The following ARHGEF18 variants were observed in gnomAD, a reference collection of about 807,000 sequenced individuals.
The protein encoded by ARHGEF18 is Rho/Rac guanine nucleotide exchange factor 18.
In ARHGEF18, 93 loss-of-function variants were observed where a neutral mutation model predicts 155.7. The observed-to-expected ratio is 0.60, with a 90% CI of 0.50 to 0.71. The LOEUF (loss-of-function observed/expected upper bound fraction) is 0.71. Ranked by LOEUF, ARHGEF18 falls within the 30% of genes least tolerant of loss-of-function variation. The probability of loss-of-function intolerance (pLI) is 0.00; values close to 1 mark genes in which losing one functional copy is unlikely to be tolerated. For missense variants in ARHGEF18, 1,593 were observed against 1,816.1 expected (o/e 0.88, Z 2.23); for synonymous variants, 742 against 753.1 (o/e 0.99, Z 0.24).
chr19:7,477,079 C>T, downstream of ARHGEF18: 4 of 928,784 alleles, frequency 4.3e-6, no homozygotes, highest in Middle Eastern at 1.1e-3. Flanking sequence ...CTCCACCCAC[C>T]CTGCCCATGG....
chr19:7,371,734 T>C (rs912000657), intron 2 of ARHGEF18, among the ~76,000 whole-genome samples: 3 of 151,332 alleles, frequency 2.0e-5, no homozygotes, highest in Admixed American at 2.0e-4. Context: ...GGCAGAAGAA[T>C]CACTTGAACC....
chr19:7,360,590 T>C (rs1406488985), intron 1 of ARHGEF18, among the ~76,000 whole-genome samples: 1 of 152,236 alleles, frequency 6.6e-6, no homozygotes, highest in East Asian at 1.9e-4. Context: ...GGTTCACAGA[T>C]ACAGGGCATG....
At chr19:7,362,039 AG>A (rs1568264549) in intron 1 of ARHGEF18, among the ~76,000 whole-genome samples, 20 of 42,998 alleles carry the variant, frequency 4.7e-4, no homozygotes, top group Non-Finnish European at 6.9e-4. Flanking sequence ...GAGAAGGAGA[AG>A]GAGAAGGAGA....
chr19:7,364,071 TAATGGATGGATG>T (rs1396667763), intron 2 of ARHGEF18, among the ~76,000 whole-genome samples: 1 of 143,838 alleles, frequency 7.0e-6, no homozygotes, highest in East Asian at 2.2e-4. Context: ...GATGGATGGG[TAATGGATGGATG>T]AATGGATGGA....
chr19:7,438,833 G>A (rs1392307806), intron 10 of ARHGEF18, among the ~76,000 whole-genome samples: 2 of 152,056 alleles, frequency 1.3e-5, no homozygotes, highest in African/African-American at 4.8e-5. Flanking sequence ...TCAAATAGGA[G>A]GGGAAAACTG....
chr19:7,374,786 C>A (rs1464921352), intron 3 of ARHGEF18, among the ~76,000 whole-genome samples: 1 of 152,146 alleles, frequency 6.6e-6, no homozygotes, highest in East Asian at 1.9e-4. Context: ...ACCCATCAGA[C>A]CCACGCATAT....
chr19:7,467,050 A>G, intron 24 of ARHGEF18, 21 bp from the exon 25 acceptor site: 10 of 1,610,214 alleles, frequency 6.2e-6, no homozygotes, highest in South Asian at 1.1e-5. Context: ...ACTAGCATCA[A>G]TCTCCCTCTC....
In ARHGEF18 at chr19:7,362,862, A is replaced by G; in HGVS notation, c.-29A>G. ...ACCAAGAGCAGCAGTGGATCCTGGA[A>G]ACCTGAGAACCCAGACTTCTTCTCT... On this transcript the variant is annotated 5_prime_UTR_variant, in exon 2 of 29. Transcript: ENST00000668164. 8.1e-7 allele frequency: 1 copy of G among 1,234,302 alleles called. No individual in the cohort carries two copies. 76.5% of individuals were successfully genotyped at this position (1,234,302 alleles called of 1,614,324 possible). A position where few individuals can be genotyped will look rare whatever the true frequency, so the allele number is the denominator to read the frequency against.
chr19:7,367,998 AGAGG>A (rs1555699455), intron 2 of ARHGEF18, among the ~76,000 whole-genome samples: 3 of 69,664 alleles, frequency 4.3e-5, no homozygotes, highest in South Asian at 4.8e-4. Context: ...AGAGAGAGAG[AGAGG>A]GAGGGAGGGA....
Position 7,418,099 on chromosome 19 carries a change from G to T in ARHGEF18, c.968-22245G>T, listed in dbSNP as rs80261774. On this transcript the variant is annotated intron_variant, in intron 10 of 28. Transcript: ENST00000668164. The stretch of plus-strand genomic sequence containing the variant: ...GAGGAGGGACATGCCTGACTTGGTT[G>T]TTAGTTGAATCATTCCAGCAGCTAC... 2.6e-3 allele frequency among the ~76,000 whole-genome samples: 398 copies of T among 152,312 alleles called. 13 individuals carry two copies. The East Asian group carries it at 0.066, about 25-fold the overall frequency.
intron 23 of ARHGEF18, 80 bp from the exon 24 acceptor site, chr19:7,466,838 A>AT: frequency 1.1e-5 from 12 of 1,122,402 alleles, no homozygotes; most frequent in Non-Finnish European, 1.4e-5. Flanking sequence ...TTAAAAAAAA[A>AT]GAAGAAGAAG....
intron 2 of ARHGEF18, among the ~76,000 whole-genome samples, chr19:7,364,194 G>T: frequency 6.6e-6 from 1 of 151,000 alleles, no homozygotes; most frequent in South Asian, 2.1e-4. Context: ...GAGAAGACGG[G>T]TGAGTGGAAG....
chr19:7,417,394 T>C (rs999935559), intron 10 of ARHGEF18, among the ~76,000 whole-genome samples: 8 of 151,946 alleles, frequency 5.3e-5, no homozygotes, highest in African/African-American at 1.9e-4. Flanking sequence ...ATTTGAAAAT[T>C]ATACATTTAA....
chr19:7,382,991 C>G (rs1970816603), intron 9 of ARHGEF18, 71 bp from the exon 10 acceptor site: 1 of 1,232,192 alleles, frequency 8.1e-7, no homozygotes, highest in African/African-American at 1.6e-5. Flanking sequence ...TGGTGGTGGG[C>G]TGGGTACACA....
At chr19:7,474,861 G>C (rs1395780901), downstream of ARHGEF18, among the ~76,000 whole-genome samples, 1 of 151,566 alleles carries the variant, frequency 6.6e-6, no homozygotes, top group African/African-American at 2.4e-5. Context: ...CCTCCACTGG[G>C]ATGCCCCCAG....
chr19:7,435,426 G>A (rs1974201602), intron 10 of ARHGEF18, among the ~76,000 whole-genome samples: 1 of 152,150 alleles, frequency 6.6e-6, no homozygotes, highest in Non-Finnish European at 1.5e-5. Flanking sequence ...GAAGCACCAG[G>A]GTCAGTTGAG....
rs749683537 is a variant in ARHGEF18 at position 7,458,695 on chromosome 19, G to C, written c.2360+5G>C. 2.5e-6 allele frequency: 4 copies of C among 1,606,994 alleles called. No individual in the cohort carries two copies. Among genetic ancestry groups the C allele is most frequent in the Middle Eastern group, 1.9e-4 (1 of 5,162 alleles). ...CATCCAAAGGGCTGTGGAGAGGTGAGGAGGGCCTGGGGGTCTCCCCACCCA... is the reference window on the plus strand; with the variant it reads ...CATCCAAAGGGCTGTGGAGAGGTGACGAGGGCCTGGGGGTCTCCCCACCCA... On this transcript the variant is annotated splice_donor_5th_base_variant and intron_variant, in intron 19 of 28. Coordinates refer to ENST00000668164, the MANE Select transcript of ARHGEF18 (RefSeq NM_001367823.1).
intron 1 of ARHGEF18, among the ~76,000 whole-genome samples, chr19:7,359,234 T>C (rs6603107): frequency 0.92 from 140,458 of 152,128 alleles, 64,975 homozygotes; most frequent in East Asian, 0.97. Flanking sequence ...ATCAGAGGGT[T>C]ATATCAAAAG....
chr19:7,458,408 G>T, intron 18 of ARHGEF18, 104 bp from the exon 19 acceptor site: 3 of 1,042,282 alleles, frequency 2.9e-6, no homozygotes, highest in Non-Finnish European at 4.1e-6. Flanking sequence ...GAAATGAGGA[G>T]CGTGACCCCC....
Sources: allele counts gnomAD v4.1 joint callset (sites outside exome capture counted in the v4.1 genomes callset), GRCh38; gene constraint gnomAD v4.1.1; transcripts MANE v1.5; gene names NCBI Gene and HGNC (gene_info 2026-07-23, HGNC 2026-07-21).